The following ADAM18 variants were observed in gnomAD, a reference collection of about 807,000 sequenced individuals.
ADAM18 encodes disintegrin and metalloproteinase domain-containing protein 18.
In ADAM18, 117 loss-of-function variants were observed where a neutral mutation model predicts 94.4. That is an observed-to-expected ratio of 1.24 (90% confidence interval 1.07 to 1.45). The LOEUF is 1.45. Among genes scored for constraint, ADAM18 ranks in the 40% most tolerant of loss-of-function variants. ADAM18 has a pLI of 0.00. For missense variants in ADAM18, 936 were observed against 880.0 expected, an observed-to-expected ratio of 1.06 and a Z score of -0.81; for synonymous variants, 327 against 291.6, an observed-to-expected ratio of 1.12 and a Z score of -1.24.
At chr8:39,650,001 T>A (rs1164088714) in intron 12 of ADAM18, among the ~76,000 whole-genome samples, 3 of 152,182 alleles carry the variant, frequency 2.0e-5, no homozygotes, top group African/African-American at 7.2e-5. Context: ...AGGTAAATAG[T>A]TGCAACAGAT....
intron 2 of ADAM18, among the ~76,000 whole-genome samples, chr8:39,595,988 A>C (rs1245943596): frequency 6.6e-6 from 1 of 152,216 alleles, no homozygotes; most frequent in East Asian, 1.9e-4. Context: ...GGCTGGAACC[A>C]GAAATCTGAT....
chr8:39,653,037 GT>G (rs1820579720), intron 12 of ADAM18, among the ~76,000 whole-genome samples: 2 of 152,166 alleles, frequency 1.3e-5, no homozygotes, highest in Non-Finnish European at 2.9e-5. Flanking sequence ...GGAAACTGGG[GT>G]GATGGTGGTC....
At chr8:39,609,630 C>CT (rs2129578458) in intron 5 of ADAM18, 69 bp downstream of exon 5, 1 of 1,032,266 alleles carries the variant, frequency 9.7e-7, no homozygotes, top group East Asian at 2.4e-5. Flanking sequence ...AACTTAGTGA[C>CT]TAGCAGACAC....
intron 14 of ADAM18, among the ~76,000 whole-genome samples, chr8:39,675,487 T>C (rs1383694625): frequency 6.6e-6 from 1 of 152,188 alleles, no homozygotes; most frequent in Non-Finnish European, 1.5e-5. Context: ...TCATTTAAGG[T>C]CCTCTCTACA....
At chr8:39,701,305 G>A (rs901570076) in intron 17 of ADAM18, among the ~76,000 whole-genome samples, 1 of 150,692 alleles carries the variant, frequency 6.6e-6, no homozygotes, top group African/African-American at 2.4e-5. Flanking sequence ...ATTTTTGCTT[G>A]TATTTGCTGA....
chr8:39,638,212 A>G (rs1182084635), intron 9 of ADAM18, among the ~76,000 whole-genome samples: 3 of 151,958 alleles, frequency 2.0e-5, no homozygotes, highest in Non-Finnish European at 2.9e-5. Context: ...TAATAAAATT[A>G]TATCCATTTT....
At chr8:39,650,970 T>G (rs993549780) in intron 12 of ADAM18, among the ~76,000 whole-genome samples, 5 of 152,212 alleles carry the variant, frequency 3.3e-5, no homozygotes, top group African/African-American at 1.2e-4. Flanking sequence ...TCCCTCAGTA[T>G]TTATTGATCA....
chr8:39,607,017 C>G (rs1420747308), intron 3 of ADAM18, among the ~76,000 whole-genome samples: 1 of 148,774 alleles, frequency 6.7e-6, no homozygotes, highest in African/African-American at 2.6e-5. Flanking sequence ...TGGATGTATA[C>G]GACAAGTTAC....
intron 2 of ADAM18, among the ~76,000 whole-genome samples, chr8:39,598,148 T>G (rs1818794717): frequency 6.6e-6 from 1 of 152,198 alleles, no homozygotes; most frequent in African/African-American, 2.4e-5. Flanking sequence ...TAATTGTTTT[T>G]TGGTTCCAGA....
At chr8:39,611,526 T>C in intron 6 of ADAM18, 2 of 985,350 alleles carry the variant, frequency 2.0e-6, no homozygotes, top group South Asian at 9.4e-5. Context: ...TTGTAGTTCA[T>C]TATTGCCAAA....
intron 16 of ADAM18, among the ~76,000 whole-genome samples, chr8:39,687,590 T>C (rs1821642034): frequency 6.6e-6 from 1 of 152,152 alleles, no homozygotes; most frequent in Admixed American, 6.5e-5. Context: ...TAGTACCCAA[T>C]AAGTAGCCTC....
At chr8:39,672,729 A>G (rs1294364506) in intron 14 of ADAM18, among the ~76,000 whole-genome samples, 2 of 152,220 alleles carry the variant, frequency 1.3e-5, no homozygotes, top group Non-Finnish European at 2.9e-5. Context: ...ATATGTTCCC[A>G]TATGGACTTA....
intron 19 of ADAM18, among the ~76,000 whole-genome samples, chr8:39,727,160 A>G (rs1400194747): frequency 6.6e-6 from 1 of 152,134 alleles, no homozygotes; most frequent in Non-Finnish European, 1.5e-5. Context: ...TGGCATCCCT[A>G]TATTTTGGAA....
intron 12 of ADAM18, among the ~76,000 whole-genome samples, chr8:39,660,161 A>T (rs1181878448): frequency 6.6e-6 from 1 of 152,148 alleles, no homozygotes; most frequent in Non-Finnish European, 1.5e-5. Flanking sequence ...AATCACAAGG[A>T]TAAACAACAA....
At chr8:39,712,042 G>C (rs1378575543) in intron 18 of ADAM18, among the ~76,000 whole-genome samples, 7 of 110,588 alleles carry the variant, frequency 6.3e-5, no homozygotes, top group Non-Finnish European at 1.1e-4. Context: ...GCCCCCCCCC[G>C]AGAAAAAAAC....
chr8:39,681,665 C>T (rs1437445727), intron 16 of ADAM18, among the ~76,000 whole-genome samples: 1 of 152,076 alleles, frequency 6.6e-6, no homozygotes, highest in Non-Finnish European at 1.5e-5. Context: ...GACCAAGATA[C>T]AGAAAGCTCA....
chr8:39,698,656 A>G (rs1213005048), intron 17 of ADAM18, among the ~76,000 whole-genome samples: 1 of 152,008 alleles, frequency 6.6e-6, no homozygotes, highest in Admixed American at 6.6e-5. Flanking sequence ...CTCCTTAAAT[A>G]ATTTGCAATG....
chr8:39,605,486 T>G (rs905593429), intron 2 of ADAM18, among the ~76,000 whole-genome samples: 4 of 152,218 alleles, frequency 2.6e-5, no homozygotes, highest in Non-Finnish European at 4.4e-5. Context: ...AGAGAGATGC[T>G]AAATGTCTCT....
intron 18 of ADAM18, among the ~76,000 whole-genome samples, chr8:39,710,388 A>T (rs549170913): frequency 6.9e-4 from 105 of 152,346 alleles, no homozygotes; most frequent in Non-Finnish European, 1.2e-3. Context: ...ATAAAAAATG[A>T]GAAAGAATGT....
Sources: allele counts gnomAD v4.1 joint callset (sites outside exome capture counted in the v4.1 genomes callset), GRCh38; gene constraint gnomAD v4.1.1; transcripts MANE v1.5; gene names NCBI Gene and HGNC (gene_info 2026-07-23, HGNC 2026-07-21).